Variants in PDIA6 observed in about 807,000 individuals in gnomAD.
PDIA6 encodes the protein protein disulfide-isomerase A6.
PDIA6 carries 29 observed loss-of-function variants against 58.4 expected under a neutral mutation model. The observed-to-expected ratio is 0.50, with a 90% CI of 0.37 to 0.68. The LOEUF (loss-of-function observed/expected upper bound fraction) is 0.68, where lower values mean the gene tolerates loss of function less well. Ranked by LOEUF, PDIA6 falls within the 30% of genes least tolerant of loss-of-function variation. PDIA6 has a pLI of 0.00. For synonymous variants in PDIA6, 192 were observed against 202.6 expected, an observed-to-expected ratio of 0.95 and a Z score of 0.44; for missense variants, 480 against 551.0, an observed-to-expected ratio of 0.87 and a Z score of 1.29.
At chr2:10,784,895 A>G (rs1478673659) in intron 12 of PDIA6, 39 bp downstream of exon 12, 1 of 1,399,146 alleles carries the variant, frequency 7.1e-7, no homozygotes, top group South Asian at 1.2e-5. Context: ...AGAGTAAACC[A>G]GGACTGCTGC....
At chr2:10,831,613 C>T (rs1667712687) in intron 1 of PDIA6, among the ~76,000 whole-genome samples, 2 of 152,094 alleles carry the variant, frequency 1.3e-5, no homozygotes, top group African/African-American at 2.4e-5. Flanking sequence ...ACGATGTGCC[C>T]CTCGCCTCCA....
At chr2:10,788,049 G>C (rs1293537646) in intron 10 of PDIA6, among the ~76,000 whole-genome samples, 3 of 130,274 alleles carry the variant, frequency 2.3e-5, no homozygotes, top group South Asian at 5.3e-4. Context: ...CTGGGCAAGA[G>C]AGTGAGACTC....
In PDIA6 at chr2:10,790,711, A is replaced by G. The variant is rs1665995192; in HGVS notation, c.699+8T>C. 5 of 1,585,972 alleles carry G rather than the reference A, an allele frequency of 3.2e-6. No homozygotes were observed. The highest frequency in any genetic ancestry group is 4.3e-6 in the Non-Finnish European group (5 of 1,154,454). On this transcript the variant is annotated splice_region_variant and intron_variant, in intron 7 of 12. Coordinates refer to ENST00000272227, the MANE Select transcript of PDIA6 (RefSeq NM_005742.4). ...TCACAATGAAATGAGCCTTATAAGT[A>G]TACTCACCCCGTATCGGGAGGCCAG... is the stretch of plus-strand genomic sequence containing the variant.
intron 4 of PDIA6, among the ~76,000 whole-genome samples, chr2:10,794,916 G>T (rs1471592681): frequency 6.6e-6 from 1 of 152,140 alleles, no homozygotes; most frequent in Admixed American, 6.5e-5. Context: ...AACAGAGTGA[G>T]ACTCCATCTC....
At chr2:10,784,405 G>A (rs1433436473) in intron 12 of PDIA6, 79 bp from the exon 13 acceptor site, 14 of 1,101,418 alleles carry the variant, frequency 1.3e-5, no homozygotes, top group Non-Finnish European at 1.7e-5. Flanking sequence ...TTATGGAAGA[G>A]CGACTCTCTG....
chr2:10,800,304 A>C (rs533697905), intron 2 of PDIA6, among the ~76,000 whole-genome samples: 2 of 152,318 alleles, frequency 1.3e-5, no homozygotes, highest in African/African-American at 4.8e-5. Context: ...CACTCACAGG[A>C]AACAGTCACT....
intron 1 of PDIA6, among the ~76,000 whole-genome samples, chr2:10,805,916 GGGGGGA>G (rs1483817934): frequency 4.0e-5 from 2 of 50,268 alleles, no homozygotes; most frequent in Non-Finnish European, 9.3e-5. Flanking sequence ...GTTGTGGGGT[GGGGGGA>G]GGGGGGAGGG....
At chr2:10,801,196 T>C (rs1666498089) in intron 2 of PDIA6, among the ~76,000 whole-genome samples, 1 of 152,116 alleles carries the variant, frequency 6.6e-6, no homozygotes, top group Non-Finnish European at 1.5e-5. Context: ...GAGGATTACC[T>C]GAGCCTGAGA....
chr2:10,809,661 A>AC lies in PDIA6; in HGVS notation c.19+3016_19+3017insG, dbSNP rs1558454565. Among the ~76,000 whole-genome samples, 4 of 150,520 alleles carry AC rather than the reference A, an allele frequency of 2.7e-5. No homozygotes were observed. The South Asian group carries it at 6.3e-4, about 24-fold the overall frequency. ...ACCCGGTCTCAAAAAAAAAAAAAAAAAAAAAAAAAAACCCAAAAAATAGGA... is the reference window on the plus strand; with the variant it reads ...ACCCGGTCTCAAAAAAAAAAAAAAAACAAAAAAAAAAACCCAAAAAATAGGA... On this transcript the variant is annotated intron_variant, in intron 1 of 12. Transcript: ENST00000272227.
chr2:10,806,635 A>AC (rs1226589745), intron 1 of PDIA6, among the ~76,000 whole-genome samples: 5 of 150,014 alleles, frequency 3.3e-5, no homozygotes, highest in East Asian at 2.0e-4. Context: ...AGACAGAAAG[A>AC]AAGAAAGAAA....
chr2:10,803,437 A>G (rs948861574), intron 1 of PDIA6, among the ~76,000 whole-genome samples: 1 of 152,246 alleles, frequency 6.6e-6, no homozygotes, highest in Non-Finnish European at 1.5e-5. Flanking sequence ...GATTACAGGC[A>G]TGAGCCATGG....
upstream of PDIA6, among the ~76,000 whole-genome samples, chr2:10,814,424 A>T (rs887315077): frequency 1.3e-5 from 2 of 152,164 alleles, no homozygotes; most frequent in African/African-American, 4.8e-5. Context: ...GGGAAGCCCA[A>T]CCGGTGATCG....
intron 11 of PDIA6, among the ~76,000 whole-genome samples, chr2:10,785,941 T>C (rs1368718192): frequency 6.7e-6 from 1 of 148,548 alleles, no homozygotes; most frequent in Non-Finnish European, 1.5e-5. Flanking sequence ...CTCGAACTCC[T>C]GGCCTCAAGT....
Position 10,793,168 on chromosome 2 carries a change from C to T in PDIA6, c.381G>A (p.Ala127=), listed in dbSNP as rs114716918. 2,410 of 1,614,084 alleles carry T rather than the reference C, an allele frequency of 1.5e-3. 28 individuals are homozygous for T. The African/African-American group carries it at 0.028, about 19-fold the overall frequency. ...GRTGEAIVDA[A]LSALRQLVKD... ...TCACGAGCTGGCGCAGAGCACTCAG[C>T]GCAGCATCTACAATGGCTTCACCAG... The change falls in exon 5 of 13, where the codon GCG becomes GCA. Residue 127 remains alanine, a synonymous_variant. Transcript: ENST00000272227.
At chr2:10,825,806 G>A (rs1572706747) in intron 1 of PDIA6, among the ~76,000 whole-genome samples, 1 of 152,170 alleles carries the variant, frequency 6.6e-6, no homozygotes, top group South Asian at 2.1e-4. Flanking sequence ...GGCTTGGCTA[G>A]AATCAAAGTC....
rs1313421736 is a variant in PDIA6 at position 10,787,363 on chromosome 2, T to C, written c.1075A>G (p.Met359Val). Reference protein sequence around the residue: ...LGIGGFGYPAMAAINARKMKF... With the variant: ...LGIGGFGYPAVAAINARKMKF... The stretch of plus-strand genomic sequence containing the variant: ...ATCTTGCGTGCATTGATGGCGGCCA[T>C]GGCGGGGTACCCAAACCCTCCAATC... The change falls in exon 11 of 13, where the codon ATG becomes GTG. Residue 359 changes from methionine (M) to valine (V), a missense_variant. Physicochemically the swap from Met to Val is conservative, Grantham distance 21 (BLOSUM62 1). Coordinates refer to ENST00000272227, the MANE Select transcript of PDIA6 (RefSeq NM_005742.4). 2 of 1,614,094 alleles carry C rather than the reference T, an allele frequency of 1.2e-6. No individual in the cohort carries two copies. The highest frequency in any genetic ancestry group is 1.7e-6 in the Non-Finnish European group (2 of 1,180,042).
chr2:10,834,743 C>CTTCCTTCCTTCCTTCCTTCT (rs1667792574), upstream of PDIA6, among the ~76,000 whole-genome samples: 2 of 63,976 alleles, frequency 3.1e-5, no homozygotes, highest in African/African-American at 1.4e-4. Context: ...TCCTTCCTTC[C>CTTCCTTCCTTCCTTCCTTCT]TTCCTTCCTT....
exon 1 of PDIA6, chr2:10,832,257 A>G (rs4668698): frequency 0.95 from 197,279 of 208,102 alleles, 94,534 homozygotes; most frequent in East Asian, 1. Context: ...ACAACAGCAG[A>G]ACTGGCCAGA....
In PDIA6 at chr2:10,809,173, T is replaced by C. The variant is rs532429434; in HGVS notation, c.19+3505A>G. Among the ~76,000 whole-genome samples the C allele has an allele frequency of 2.0e-5, 3 of 152,368 alleles. No individual in the cohort carries two copies. In the East Asian group the frequency reaches 5.8e-4, roughly 29 times the overall value. ...ATCTTAGATATACTCAGTAAATATATTAATTTCACCTGTTTCTTTTGGCCA... is the reference window on the plus strand; with the variant it reads ...ATCTTAGATATACTCAGTAAATATACTAATTTCACCTGTTTCTTTTGGCCA... On this transcript the variant is annotated intron_variant, in intron 1 of 12. Transcript: ENST00000272227.
Sources: allele counts gnomAD v4.1 joint callset (sites outside exome capture counted in the v4.1 genomes callset), GRCh38; gene constraint gnomAD v4.1.1; transcripts MANE v1.5; gene names NCBI Gene and HGNC (gene_info 2026-07-23, HGNC 2026-07-21).